The following ABCC8 variants were observed in gnomAD, a reference collection of about 807,000 sequenced individuals.
ABCC8 encodes ATP binding cassette subfamily C member 8.
In ABCC8, 137 loss-of-function variants were observed where a neutral mutation model predicts 188.0. The ratio of observed to expected loss-of-function variants is 0.73; its 90% CI spans 0.63 to 0.84. ABCC8 has a LOEUF of 0.84. Among genes scored for constraint, ABCC8 ranks in the 40% least tolerant of loss-of-function variants. ABCC8 has a pLI of 0.00. For synonymous variants in ABCC8, 797 were observed against 846.5 expected (o/e 0.94, Z 1.01); for missense variants, 1,750 against 2,072.7 (o/e 0.84, Z 3.02).
intron 29 of ABCC8, among the ~76,000 whole-genome samples, chr11:17,399,293 AAAAAAAAAAAAC>A (rs1591721494): frequency 7.4e-6 from 1 of 134,922 alleles, no homozygotes; most frequent in Non-Finnish European, 1.5e-5. Context: ...AAAAAAAAAA[AAAAAAAAAAAAC>A]AAATAAAAAA....
chr11:17,408,409 C>G lies in ABCC8; in HGVS notation c.2803G>C (p.Asp935His), dbSNP rs778384865. Residue 935 changes from aspartate (D) to histidine (H), a missense_variant, in exon 23 of 39, where the codon GAC (aspartate) becomes CAC (histidine). By Grantham distance (81) the Asp-to-His change is moderately conservative (BLOSUM62 -1). Coordinates refer to ENST00000389817, the MANE Select transcript of ABCC8 (RefSeq NM_000352.6). ...ATACCCACCTTCTCCAGCTCTTGGT[C>G]CTGTCGGTTCATGAGGGTCTTCCAG... ...EHWKTLMNRQ[D>H]QELEKETVTE... is the part of the protein sequence containing the mutation. 1 of 1,613,580 alleles carries G rather than the reference C, an allele frequency of 6.2e-7. No individual in the cohort carries two copies.
chr11:17,462,767 T>A (rs7943461), intron 4 of ABCC8, among the ~76,000 whole-genome samples: 62,125 of 151,834 alleles, frequency 0.41, 13,761 homozygotes, highest in African/African-American at 0.59. Flanking sequence ...CCAAGAGATA[T>A]TTGTTGGGTG....
At chr11:17,453,622 C>T (rs1288188705) in intron 6 of ABCC8, among the ~76,000 whole-genome samples, 1 of 152,150 alleles carries the variant, frequency 6.6e-6, no homozygotes, top group Admixed American at 6.5e-5. Flanking sequence ...AAATAGAGCA[C>T]CTAAAACCTG....
intron 32 of ABCC8, 68 bp from the exon 33 acceptor site, chr11:17,397,114 C>T: frequency 6.2e-7 from 1 of 1,613,706 alleles, no homozygotes; most frequent in Non-Finnish European, 8.5e-7. Flanking sequence ...GCCACCCCAT[C>T]CCCAGGCTCC....
intron 22 of ABCC8, among the ~76,000 whole-genome samples, chr11:17,408,888 A>G (rs1277329234): frequency 2.0e-5 from 3 of 151,396 alleles, no homozygotes; most frequent in Non-Finnish European, 1.5e-5. Flanking sequence ...AGCCTCCATC[A>G]GGGCTTAGCA....
At chr11:17,412,880 T>C (rs951424028) in intron 20 of ABCC8, 134 bp from the exon 21 acceptor site, 14 of 1,518,236 alleles carry the variant, frequency 9.2e-6, no homozygotes, top group Non-Finnish European at 1.2e-5. Flanking sequence ...TCACCTTGCA[T>C]AGAGAAGGAA....
chr11:17,421,324 A>C (rs147079422), intron 16 of ABCC8, among the ~76,000 whole-genome samples: 25 of 152,320 alleles, frequency 1.6e-4, no homozygotes, highest in African/African-American at 6.0e-4. Context: ...CTCATTCCAA[A>C]TATTGATGGA....
chr11:17,407,230 C>A, intron 24 of ABCC8, 101 bp from the exon 25 acceptor site: 1 of 1,608,426 alleles, frequency 6.2e-7, no homozygotes. Context: ...AACGGGGGCA[C>A]ACAGAGGGAA....
Position 17,397,344 on chromosome 11 carries a change from C to T in ABCC8, c.3868-31G>A, listed in dbSNP as rs902415993. ...GGGAGCAAGCCAGTGGCGCACACTC[C>T]ATGGTCGCTTAGTTCTGTCCTCAGC... On this transcript the variant is annotated intron_variant, in intron 31 of 38. Transcript: ENST00000389817. 3.1e-6 allele frequency: 5 copies of T among 1,605,732 alleles called. No individual in the cohort carries two copies. In the African/African-American group the frequency reaches 6.7e-5, roughly 21 times the overall value.
At chr11:17,465,363 T>C (rs1312195171) in intron 3 of ABCC8, 1 of 152,248 alleles carries the variant, frequency 6.6e-6, no homozygotes, top group Non-Finnish European at 1.5e-5. Flanking sequence ...TGCTTTGCTC[T>C]TCATTACAAC....
At chr11:17,453,957 T>C (rs1414461885) in intron 6 of ABCC8, among the ~76,000 whole-genome samples, 4 of 152,198 alleles carry the variant, frequency 2.6e-5, no homozygotes, top group Non-Finnish European at 4.4e-5. Flanking sequence ...TTGCTAAAGA[T>C]ACCAGGGATC....
intron 3 of ABCC8, among the ~76,000 whole-genome samples, chr11:17,468,870 C>A (rs1000385430): frequency 1.8e-4 from 27 of 152,156 alleles, no homozygotes; most frequent in African/African-American, 4.1e-4. Flanking sequence ...TCAGTAAACA[C>A]CAACCATCAT....
rs1456297535 is a variant in ABCC8 at position 17,404,580 on chromosome 11, G to A, written c.3489C>T (p.Phe1163=). Residue 1163 remains phenylalanine, a synonymous_variant, in exon 28 of 39, where the codon TTC becomes TTT. Coordinates refer to ENST00000389817, the MANE Select transcript of ABCC8 (RefSeq NM_000352.6). The surrounding 1 kb of genome is among the most constrained non-coding windows in gnomAD (Gnocchi z 4.7). ...TGGCCAGGGGCAAGAGGGCCACGAG[G>A]AACACAGGTGTGACATAGGAGATGA... ...LAVISYVTPV[F]LVALLPLAIV... is the part of the protein sequence containing the mutation. 1.2e-6 allele frequency: 2 copies of A among 1,614,018 alleles called. No homozygotes were observed. Among genetic ancestry groups the A allele is most frequent in the East Asian group, 2.2e-5 (1 of 44,880 alleles).
At position 17,427,436 on chromosome 11, in the gene ABCC8, C is replaced by A. The variant is rs1170202098; in HGVS notation, c.2117-282G>T. Among the ~76,000 whole-genome samples the A allele has an allele frequency of 6.6e-6, 1 of 152,144 alleles. No individual in the cohort carries two copies. Among genetic ancestry groups the A allele is most frequent in the African/African-American group, 2.4e-5 (1 of 41,420 alleles). ...CATGCTCCTAGTATGAGCCCAGGCT[C>A]CTTGTGGTCCCAAGAAACACCATCC... On this transcript the variant is annotated intron_variant, in intron 15 of 38. Coordinates refer to ENST00000389817, the MANE Select transcript of ABCC8 (RefSeq NM_000352.6). The surrounding 1 kb of genome is among the most constrained non-coding windows in gnomAD (Gnocchi z 5.0).
chr11:17,407,571 C>T, intron 23 of ABCC8, 118 bp from the exon 24 acceptor site: 1 of 1,530,814 alleles, frequency 6.5e-7, no homozygotes, highest in African/African-American at 1.4e-5. Flanking sequence ...TTTGTCCCTG[C>T]CTGAGGGAGG....
chr11:17,469,153 G>GC (rs1254143446), intron 3 of ABCC8, among the ~76,000 whole-genome samples: 4 of 150,256 alleles, frequency 2.7e-5, no homozygotes, highest in African/African-American at 7.4e-5. Context: ...CTGCAGTGGC[G>GC]CGATCTCAGC....
intron 3 of ABCC8, among the ~76,000 whole-genome samples, chr11:17,466,021 G>A (rs1474574755): frequency 6.6e-6 from 1 of 152,154 alleles, no homozygotes; most frequent in Admixed American, 6.5e-5. Flanking sequence ...TAGAATATTA[G>A]CCTTAAAAAG....
intron 10 of ABCC8, among the ~76,000 whole-genome samples, chr11:17,441,140 A>G (rs1019446609): frequency 5.9e-5 from 9 of 151,972 alleles, no homozygotes; most frequent in Admixed American, 5.2e-4. Flanking sequence ...TCCTACCCTA[A>G]TTCTACTCCT....
intron 22 of ABCC8, among the ~76,000 whole-genome samples, chr11:17,409,264 A>T (rs1383571403): frequency 1.3e-5 from 2 of 151,870 alleles, no homozygotes; most frequent in African/African-American, 2.4e-5. Flanking sequence ...GCTCAATAAA[A>T]CTTTTTATCT....
Sources: gnomAD v4.1 joint callset for allele counts (sites outside exome capture counted in the v4.1 genomes callset) on GRCh38, gnomAD v4.1.1 for gene constraint, Gnocchi (gnomAD v3.1) non-coding constraint, MANE v1.5 for transcripts, NCBI Gene and HGNC (gene_info 2026-07-23, HGNC 2026-07-21) for gene names.